Variants in YWHAE observed in about 807,000 individuals in gnomAD.
YWHAE encodes the protein tyrosine 3-monooxygenase/tryptophan 5-monooxygenase activation protein epsilon, also known as 14-3-3 protein epsilon.
A neutral mutation model predicts 30.1 loss-of-function variants in YWHAE; 4 were observed. The observed-to-expected ratio is 0.13, with a 90% confidence interval of 0.07 to 0.30. The LOEUF (loss-of-function observed/expected upper bound fraction) is 0.30. Ranked by LOEUF, YWHAE falls within the 10% of genes least tolerant of loss-of-function variation. The probability of loss-of-function intolerance (pLI) is 1.00; values close to 1 mark genes in which losing one functional copy is unlikely to be tolerated. For synonymous variants in YWHAE, 118 were observed against 111.8 expected (o/e 1.06, Z -0.35); for missense variants, 121 against 315.9 (o/e 0.38, Z 4.68).
At chr17:1,377,769 C>G (rs1320724292) in intron 1 of YWHAE, among the ~76,000 whole-genome samples, 1 of 152,218 alleles carries the variant, frequency 6.6e-6, no homozygotes, top group South Asian at 2.1e-4. Context: ...GACTTCCTGG[C>G]TGGAAGCAGT....
At chr17:1,381,136 G>C (rs1486616733) in intron 1 of YWHAE, among the ~76,000 whole-genome samples, 3 of 152,204 alleles carry the variant, frequency 2.0e-5, no homozygotes, top group Admixed American at 6.6e-5. Context: ...TGTAATCCCA[G>C]AACTTCGGGA....
intron 1 of YWHAE, among the ~76,000 whole-genome samples, chr17:1,366,904 T>C: frequency 6.6e-6 from 1 of 152,036 alleles, no homozygotes. Flanking sequence ...ATTGCACCAC[T>C]GCATTCCAGC....
At chr17:1,354,701 C>T (rs1019117512) in intron 4 of YWHAE, among the ~76,000 whole-genome samples, 15 of 152,246 alleles carry the variant, frequency 9.9e-5, no homozygotes, top group Admixed American at 9.2e-4. Flanking sequence ...CTGGCTCTGT[C>T]GCCCAGGCTG....
rs894832192 is a variant in YWHAE, at chr17:1,344,550, T to A, written c.*897A>T. 5.2e-5 allele frequency: 11 copies of A among 213,216 alleles called. No homozygotes were observed. Among genetic ancestry groups the A allele is most frequent in the Non-Finnish European group, 8.6e-5 (9 of 105,154 alleles). 13.2% of individuals were successfully genotyped at this position (213,216 alleles called of 1,614,324 possible). A position where few individuals can be genotyped will look rare whatever the true frequency, so the allele number is the denominator to read the frequency against. On this transcript the variant is annotated 3_prime_UTR_variant, in exon 6 of 6. Coordinates refer to ENST00000264335, the MANE Select transcript of YWHAE (RefSeq NM_006761.5). ...ATGGAGGCGCGATATTTGGCATTTTTAATTTAGGTTTGTTTTATTTAAGTT... is the reference window on the plus strand; with the variant it reads ...ATGGAGGCGCGATATTTGGCATTTTAAATTTAGGTTTGTTTTATTTAAGTT...
At chr17:1,356,923 C>T (rs1480441033) in intron 4 of YWHAE, among the ~76,000 whole-genome samples, 1 of 151,882 alleles carries the variant, frequency 6.6e-6, no homozygotes, top group Non-Finnish European at 1.5e-5. Context: ...CACTTAAAAA[C>T]CCTACTTTGC....
At chr17:1,354,713 A>T (rs966654424) in intron 4 of YWHAE, among the ~76,000 whole-genome samples, 3 of 152,178 alleles carry the variant, frequency 2.0e-5, no homozygotes, top group Non-Finnish European at 4.4e-5. Flanking sequence ...CCCAGGCTGG[A>T]GTGCAGTGGC....
intron 1 of YWHAE, among the ~76,000 whole-genome samples, chr17:1,376,070 G>A (rs541930597): frequency 1.8e-4 from 28 of 152,298 alleles, no homozygotes; most frequent in African/African-American, 6.3e-4. Flanking sequence ...GAACACGAAG[G>A]TTAAACTTGT....
chr17:1,344,297 TGA>T lies in YWHAE; in HGVS notation c.*1148_*1149del, dbSNP rs1489138465. The T allele has an allele frequency of 6.3e-6, 1 of 157,582 alleles. No individual in the cohort carries two copies. The highest frequency in any genetic ancestry group is 1.4e-5 in the Non-Finnish European group (1 of 71,094). 9.8% of individuals were successfully genotyped at this position (157,582 alleles called of 1,614,324 possible). ...TTGTACTACTCATGTTGTACTTTAA[TGA>T]TTAAAATAAATACCATGTTGCTGCC... On this transcript the variant is annotated 3_prime_UTR_variant, in exon 6 of 6. Transcript: ENST00000264335.
At chr17:1,355,188 G>C (rs2072719527) in intron 4 of YWHAE, among the ~76,000 whole-genome samples, 1 of 104,412 alleles carries the variant, frequency 9.6e-6, no homozygotes, top group South Asian at 3.3e-4. Context: ...ACGGGGTCTC[G>C]CTCTATCACC....
intron 1 of YWHAE, among the ~76,000 whole-genome samples, chr17:1,397,316 T>C (rs991433834): frequency 6.6e-6 from 1 of 152,206 alleles, no homozygotes; most frequent in East Asian, 1.9e-4. Context: ...ACGATTCGAA[T>C]AGACTACTGG....
chr17:1,346,392 AAAAT>A (rs2072516356), intron 5 of YWHAE, among the ~76,000 whole-genome samples: 1 of 152,254 alleles, frequency 6.6e-6, no homozygotes, highest in Admixed American at 6.5e-5. Context: ...AGTTTGAAAC[AAAAT>A]AAATGAAAAA....
intron 1 of YWHAE, among the ~76,000 whole-genome samples, chr17:1,382,308 A>T (rs1205681341): frequency 2.7e-5 from 4 of 149,350 alleles, no homozygotes. Flanking sequence ...TCGGCCTCCC[A>T]AAGTGCTGGG....
At position 1,361,047 on chromosome 17, in the gene YWHAE, C is replaced by G. The variant is rs771454669; in HGVS notation, c.578+45G>C. On this transcript the variant is annotated intron_variant, in intron 4 of 5. Coordinates refer to ENST00000264335, the MANE Select transcript of YWHAE (RefSeq NM_006761.5). Reference sequence around the variant, plus strand: ...ACACGGAAAACCCAAACAGCGCCCCCCTTAACTTTCACGCTGAGCGCTGCT... The same window carrying G: ...ACACGGAAAACCCAAACAGCGCCCCGCTTAACTTTCACGCTGAGCGCTGCT... 6 of 1,564,610 alleles carry G rather than the reference C, an allele frequency of 3.8e-6. No homozygotes were observed. In the Admixed American group the frequency reaches 5.0e-5, roughly 13 times the overall value.
At chr17:1,353,840 C>A (rs2072682702) in intron 5 of YWHAE, among the ~76,000 whole-genome samples, 1 of 151,960 alleles carries the variant, frequency 6.6e-6, no homozygotes, top group South Asian at 2.1e-4. Context: ...GAAACCAGTT[C>A]CCTTTTAGAT....
chr17:1,368,005 C>T (rs898459493), intron 1 of YWHAE, among the ~76,000 whole-genome samples: 2 of 152,094 alleles, frequency 1.3e-5, no homozygotes, highest in Non-Finnish European at 2.9e-5. Flanking sequence ...CATCTTAGCA[C>T]TTTGGGAGGC....
Position 1,345,288 on chromosome 17 carries a change from T to TAAA in YWHAE, c.*158_*159insTTT. ...GCCTTTAAGAACTTTTGAAAACTGT[T>TAAA]TAAAAAAAAAAAAAAAAAACCAACA... On this transcript the variant is annotated 3_prime_UTR_variant, in exon 6 of 6. Coordinates refer to ENST00000264335, the MANE Select transcript of YWHAE (RefSeq NM_006761.5). 6 of 597,936 alleles carry TAAA rather than the reference T, an allele frequency of 1.0e-5. No individual in the cohort carries two copies. The highest frequency in any genetic ancestry group is 8.3e-6 in the Non-Finnish European group (3 of 362,572). The allele number at this position is 597,936 out of a possible 1,614,324, so 37.0% of individuals were successfully genotyped here.
rs747841442 is a variant in YWHAE at position 1,400,029 on chromosome 17, G to T, written c.64+18C>A. The T allele has an allele frequency of 4.2e-6, 4 of 945,814 alleles. No individual in the cohort carries two copies. Among genetic ancestry groups the T allele is most frequent in the Admixed American group, 1.9e-5 (1 of 51,730 alleles). 58.6% of individuals were successfully genotyped at this position (945,814 alleles called of 1,614,324 possible). A position where few individuals can be genotyped will look rare whatever the true frequency, so the allele number is the denominator to read the frequency against. ...GAGGGTCCGAGAATTCCAGCCCCCCGTTGCCCCCCCAACTCACCGTCGTAT... is the reference window on the plus strand; with the variant it reads ...GAGGGTCCGAGAATTCCAGCCCCCCTTTGCCCCCCCAACTCACCGTCGTAT... On this transcript the variant is annotated intron_variant, in intron 1 of 5. Transcript: ENST00000264335.
At chr17:1,385,261 G>A (rs552319406) in intron 1 of YWHAE, among the ~76,000 whole-genome samples, 8 of 151,720 alleles carry the variant, frequency 5.3e-5, no homozygotes, top group African/African-American at 1.5e-4. Context: ...AAGGCATTAA[G>A]ACCATGTTAA....
chr17:1,348,402 A>G (rs996675906), intron 5 of YWHAE, among the ~76,000 whole-genome samples: 3 of 152,194 alleles, frequency 2.0e-5, no homozygotes, highest in Non-Finnish European at 4.4e-5. Context: ...CCCTCCCTTT[A>G]AAGAAATTAT....
Sources: allele counts gnomAD v4.1 joint callset (sites outside exome capture counted in the v4.1 genomes callset), GRCh38; gene constraint gnomAD v4.1.1; transcripts MANE v1.5; gene names NCBI Gene and HGNC (gene_info 2026-07-23, HGNC 2026-07-21).